The following TPTE variants were observed in gnomAD, a reference collection of about 807,000 sequenced individuals.
The protein encoded by TPTE is putative tyrosine-protein phosphatase TPTE.
Under a neutral mutation model 84.1 loss-of-function variants are expected in TPTE, and 59 were observed. The observed-to-expected ratio is 0.70, with a 90% CI of 0.57 to 0.87. The LOEUF is 0.87. Ranked by LOEUF, TPTE falls within the 40% of genes least tolerant of loss-of-function variation. The pLI is 0.00. For synonymous variants in TPTE, 130 were observed against 223.5 expected (o/e 0.58, Z 3.73); for missense variants, 382 against 659.6 (o/e 0.58, Z 4.61).
At chr21:10,534,405 T>C (rs539793834) in intron 3 of TPTE, among the ~76,000 whole-genome samples, 1 of 152,430 alleles carries the variant, frequency 6.6e-6, no homozygotes, top group East Asian at 1.9e-4. Flanking sequence ...CAGGCAGGGA[T>C]GGTCACTGTT....
At position 10,542,476 on chromosome 21, in the gene TPTE, G is replaced by A. The variant is rs377622985; in HGVS notation, c.119+28G>A. On this transcript the variant is annotated intron_variant, in intron 6 of 23. Coordinates refer to ENST00000618007, the MANE Select transcript of TPTE (RefSeq NM_199261.4). ...GAGCAATAAATAGTTAAAGTCACCC[G>A]TCAGCATAAGTGTGCATAGAACTAT... is the stretch of plus-strand genomic sequence containing the variant. The A allele has an allele frequency of 3.6e-4, 586 of 1,606,826 alleles. No homozygotes were observed. The African/African-American group carries it at 6.5e-3, about 18-fold the overall frequency.
chr21:10,565,703 A>G (rs2074906183), intron 10 of TPTE, among the ~76,000 whole-genome samples: 1 of 152,308 alleles, frequency 6.6e-6, no homozygotes, highest in African/African-American at 2.4e-5. Flanking sequence ...ACAAATCCAC[A>G]CACACTTACA....
Position 10,603,606 on chromosome 21 carries a change from G to T in TPTE, c.1494G>T (p.Leu498Phe), listed in dbSNP as rs541092596. 1 of 1,612,448 alleles carries T rather than the reference G, an allele frequency of 6.2e-7. No individual in the cohort carries two copies. The highest frequency in any genetic ancestry group is 8.5e-7 in the Non-Finnish European group (1 of 1,178,802). Reference sequence around the variant, plus strand: ...ACAATTGCTCATTTTACTTCTGGTTGCACACATCTTTTATTGAAAATAACA... The same window carrying T: ...ACAATTGCTCATTTTACTTCTGGTTTCACACATCTTTTATTGAAAATAACA... ...YYDNCSFYFW[L>F]HTSFIENNRL... The change falls in exon 23 of 24, where the codon TTG (leucine) becomes TTT (phenylalanine). Residue 498 changes from leucine to phenylalanine, a missense_variant. Physicochemically the swap from Leu to Phe is conservative, Grantham distance 22. This residue lies in a region of TPTE where 120 missense variants were observed against 79.1 expected (regional missense o/e 1.52). Transcript: ENST00000618007.
chr21:10,527,133 C>CTCT (rs1555885296), intron 2 of TPTE, among the ~76,000 whole-genome samples: 1 of 148,500 alleles, frequency 6.7e-6, no homozygotes, highest in Non-Finnish European at 1.5e-5. Flanking sequence ...TTCTGTGTCC[C>CTCT]CTCTCTCTCT....
At chr21:10,564,439 G>A (rs546522089) in intron 10 of TPTE, among the ~76,000 whole-genome samples, 24 of 152,424 alleles carry the variant, frequency 1.6e-4, no homozygotes, top group Admixed American at 1.6e-3. Flanking sequence ...GAACCTGGGA[G>A]GCAGAGGTTG....
At chr21:10,559,872 T>TAA (rs61583687) in intron 9 of TPTE, among the ~76,000 whole-genome samples, 11,034 of 111,984 alleles carry the variant, frequency 0.099, 17 homozygotes, top group African/African-American at 0.25. Flanking sequence ...AGACTCCATG[T>TAA]AAAAAAAAAA....
intron 20 of TPTE, among the ~76,000 whole-genome samples, chr21:10,596,919 CTG>C (rs573752400): frequency 2.5e-3 from 384 of 152,068 alleles, no homozygotes; most frequent in African/African-American, 8.9e-3. Flanking sequence ...AGGCAAGAAA[CTG>C]TGATTTCTAA....
intron 14 of TPTE, among the ~76,000 whole-genome samples, chr21:10,576,830 CATATATACATATATAT>C (rs2075161991): frequency 7.9e-6 from 1 of 126,822 alleles, no homozygotes; most frequent in Non-Finnish European, 1.7e-5. Flanking sequence ...AAAGGTTATA[CATATATACATATATAT>C]ATATATATAT....
At chr21:10,559,228 A>G (rs2074744506) in intron 8 of TPTE, among the ~76,000 whole-genome samples, 1 of 152,310 alleles carries the variant, frequency 6.6e-6, no homozygotes. Context: ...TAGTATTGCC[A>G]TAAAGTTGGG....
At chr21:10,583,540 C>T (rs1186127662) in intron 17 of TPTE, among the ~76,000 whole-genome samples, 1 of 152,310 alleles carries the variant, frequency 6.6e-6, no homozygotes, top group African/African-American at 2.4e-5. Context: ...CCTTTTCTGT[C>T]TCTCAGGAGT....
At chr21:10,564,679 T>C (rs1165829522) in intron 10 of TPTE, among the ~76,000 whole-genome samples, 2 of 152,430 alleles carry the variant, frequency 1.3e-5, no homozygotes, top group East Asian at 3.8e-4. Flanking sequence ...GTCTCTGGGA[T>C]GCAAGGATGG....
chr21:10,529,753 TTTATAA>T (rs1223403841), intron 3 of TPTE, among the ~76,000 whole-genome samples: 1 of 152,304 alleles, frequency 6.6e-6, no homozygotes, highest in African/African-American at 2.4e-5. Flanking sequence ...TATTATTCAG[TTTATAA>T]TTAATATCCA....
intron 17 of TPTE, among the ~76,000 whole-genome samples, chr21:10,579,998 TTTCTC>T (rs1210074429): frequency 8.6e-4 from 131 of 152,106 alleles, no homozygotes; most frequent in Middle Eastern, 3.4e-3. Flanking sequence ...GGGGTTCCCT[TTTCTC>T]TTCATCCTCA....
intron 1 of TPTE, among the ~76,000 whole-genome samples, chr21:10,523,183 TAGAG>T (rs1160104473): frequency 1.2e-4 from 19 of 152,078 alleles, no homozygotes; most frequent in African/African-American, 4.6e-4. Context: ...AAAAAATAAC[TAGAG>T]AGATAGTCTC....
At chr21:10,570,391 T>G in intron 13 of TPTE, 94 bp from the exon 14 acceptor site, 4 of 1,592,476 alleles carry the variant, frequency 2.5e-6, no homozygotes, top group Non-Finnish European at 3.4e-6. Flanking sequence ...TTTTTTTCTG[T>G]GAAAATGGAA....
At chr21:10,545,428 A>G (rs2074447752) in intron 7 of TPTE, among the ~76,000 whole-genome samples, 1 of 152,308 alleles carries the variant, frequency 6.6e-6, no homozygotes, top group Non-Finnish European at 1.5e-5. Context: ...ATGTAGAGCA[A>G]ATGTACATAA....
chr21:10,605,466 C>G lies in TPTE; in HGVS notation c.1570C>G (p.Arg524Gly), dbSNP rs537829038. The change falls in exon 24 of 24, where the codon CGG becomes GGG. Residue 524 changes from arginine (R) to glycine (G), a missense_variant. Physicochemically the swap from Arg to Gly is moderately radical, Grantham distance 125. Transcript: ENST00000618007. ...GGATAATCTACATAAACAAAAAGCA[C>G]GGAGAATTTATCCATCAGATTTTGC... Reference protein sequence around the residue: ...ELDNLHKQKARRIYPSDFAVE... With the variant: ...ELDNLHKQKAGRIYPSDFAVE... 1 of 1,613,902 alleles carries G rather than the reference C, an allele frequency of 6.2e-7. No individual in the cohort carries two copies. Among genetic ancestry groups the G allele is most frequent in the Non-Finnish European group, 8.5e-7 (1 of 1,179,850 alleles).
At chr21:10,543,441 C>A in intron 7 of TPTE, 59 bp downstream of exon 7, 1 of 1,611,946 alleles carries the variant, frequency 6.2e-7, no homozygotes, top group Non-Finnish European at 8.5e-7. Flanking sequence ...GCTATACACA[C>A]ACCAAGCACA....
intron 5 of TPTE, among the ~76,000 whole-genome samples, chr21:10,541,983 C>G (rs1028037382): frequency 3.1e-4 from 47 of 152,396 alleles, no homozygotes; most frequent in African/African-American, 1.1e-3. Flanking sequence ...TTACCTGACC[C>G]TTTTTGTGGG....
Sources: gnomAD v4.1 joint callset for allele counts (sites outside exome capture counted in the v4.1 genomes callset) on GRCh38, gnomAD v4.1.1 for gene constraint, gnomAD v4.1.1 regional missense constraint, MANE v1.5 for transcripts, NCBI Gene and HGNC (gene_info 2026-07-23, HGNC 2026-07-21) for gene names.